RYR2: variants seen among roughly 807,000 people sequenced by gnomAD.
RYR2 encodes the protein ryanodine receptor 2, also known as cardiac muscle ryanodine receptor-calcium release channel.
RYR2 carries 227 observed loss-of-function variants against 601.1 expected under a neutral mutation model. The ratio of observed to expected loss-of-function variants is 0.38; its 90% CI spans 0.34 to 0.42. The LOEUF is 0.42. RYR2 is among the 10% of genes least tolerant of loss of function. The pLI, the probability that RYR2 is intolerant of heterozygous loss-of-function variation, is 1.00. For synonymous variants in RYR2, 2,223 were observed against 2,175.1 expected (o/e 1.02, Z -0.61); for missense variants, 4,646 against 6,156.5 (o/e 0.75, Z 8.21).
intron 97 of RYR2, 50 bp from the exon 98 acceptor site, chr1:237,801,806 G>A (rs2149419021): frequency 2.5e-6 from 3 of 1,213,404 alleles, no homozygotes; most frequent in Non-Finnish European, 3.6e-6. Context: ...AAGCCTATGA[G>A]TCTTTGGTTA....
intron 3 of RYR2, among the ~76,000 whole-genome samples, chr1:237,341,827 A>G (rs1300993136): frequency 6.6e-6 from 1 of 152,184 alleles, no homozygotes. Flanking sequence ...TGTGGGAGAA[A>G]AGGAATGTTT....
chr1:237,628,190 C>T (rs537864219), intron 41 of RYR2, 110 bp downstream of exon 41: 23 of 1,212,602 alleles, frequency 1.9e-5, no homozygotes, highest in East Asian at 1.0e-4. Flanking sequence ...CTGGATTATA[C>T]GATTATTATA....
chr1:237,068,894 G>GA (rs1242670301), intron 1 of RYR2, among the ~76,000 whole-genome samples: 1 of 151,950 alleles, frequency 6.6e-6, no homozygotes. Flanking sequence ...AGCCAGTTGA[G>GA]AAAAAAATAC....
chr1:237,577,119 A>T (rs879340553), intron 29 of RYR2, among the ~76,000 whole-genome samples: 15 of 152,176 alleles, frequency 9.9e-5, no homozygotes, highest in Non-Finnish European at 2.2e-4. Context: ...TTTTAGCTAC[A>T]CTAGTGTGTC....
intron 99 of RYR2, 116 bp downstream of exon 99, chr1:237,806,399 G>T: frequency 2.0e-6 from 2 of 1,006,430 alleles, no homozygotes; most frequent in Non-Finnish European, 2.9e-6. Context: ...TTTTTTGAAG[G>T]GAGGGTCTGC....
chr1:237,732,635 TC>T (rs2149170600), intron 78 of RYR2, among the ~76,000 whole-genome samples: 1 of 152,270 alleles, frequency 6.6e-6, no homozygotes, highest in Non-Finnish European at 1.5e-5. Flanking sequence ...TGCCCATTTT[TC>T]TTGTCTTCTG....
In RYR2 at chr1:237,631,843, T is replaced by C. The variant is rs180837329; in HGVS notation, c.6555+302T>C. Among the ~76,000 whole-genome samples the C allele has an allele frequency of 3.0e-4, 42 of 141,266 alleles. 1 individual carries two copies. The highest frequency in any genetic ancestry group is 1.1e-3 in the South Asian group (5 of 4,432). The allele number at this position is 141,266 out of a possible 152,430, so 92.7% of individuals were successfully genotyped here. ...CGGGGTTTCACTGTGTTAGCCAGGA[T>C]GGTCTCGATCTCCTGACCTCGTGAT... On this transcript the variant is annotated intron_variant, in intron 42 of 104. Coordinates refer to ENST00000366574, the MANE Select transcript of RYR2 (RefSeq NM_001035.3).
In RYR2 at chr1:237,361,163, G is replaced by A. The variant is rs115055543; in HGVS notation, c.295-3195G>A. On this transcript the variant is annotated intron_variant, in intron 4 of 104. Coordinates refer to ENST00000366574, the MANE Select transcript of RYR2 (RefSeq NM_001035.3). ...AGACACATATTTTCATCATAAGAGC[G>A]ATAGTTGAAGCTTTTCAACCTCATA... Among the ~76,000 whole-genome samples, 446 of 152,272 alleles carry A rather than the reference G, an allele frequency of 2.9e-3. 4 individuals are homozygous for A. The highest frequency in any genetic ancestry group is 8.5e-3 in the African/African-American group (352 of 41,542).
At chr1:237,157,031 C>T (rs1369210004) in intron 1 of RYR2, among the ~76,000 whole-genome samples, 2 of 152,138 alleles carry the variant, frequency 1.3e-5, no homozygotes. Context: ...CACAGTGGCT[C>T]ACGCCTGTAA....
At chr1:237,823,578 G>A (rs976665374) in intron 101 of RYR2, among the ~76,000 whole-genome samples, 1 of 152,118 alleles carries the variant, frequency 6.6e-6, no homozygotes, top group Non-Finnish European at 1.5e-5. Context: ...GAGAAAGCAG[G>A]AAAGATCTAA....
intron 80 of RYR2, among the ~76,000 whole-genome samples, chr1:237,748,987 C>T (rs1055867000): frequency 7.9e-5 from 12 of 152,038 alleles, no homozygotes; most frequent in African/African-American, 2.9e-4. Context: ...GGAGGATGTA[C>T]GTAGGTTAAG....
Position 237,491,802 on chromosome 1 carries a change from T to C in RYR2, c.1709-4T>C, listed in dbSNP as rs1482457874. 9 of 1,325,346 alleles carry C rather than the reference T, an allele frequency of 6.8e-6. No homozygotes were observed. The highest frequency in any genetic ancestry group is 1.5e-5 in the African/African-American group (1 of 68,316). The allele number at this position is 1,325,346 out of a possible 1,614,324, so 82.1% of individuals were successfully genotyped here. A position where few individuals can be genotyped will look rare whatever the true frequency, so the allele number is the denominator to read the frequency against. On this transcript the variant is annotated splice_polypyrimidine_tract_variant and splice_region_variant and intron_variant, in intron 17 of 104. Transcript: ENST00000366574. ...TTTTTCCTCTTTCTTTGTTTTATCT[T>C]TAGGCATTCTGGAAGTTTTACACTG...
intron 8 of RYR2, among the ~76,000 whole-genome samples, chr1:237,384,453 C>T (rs151074393): frequency 6.6e-6 from 1 of 152,366 alleles, no homozygotes; most frequent in East Asian, 1.9e-4. Context: ...CGTATCTCCA[C>T]CTTTGTGCTC....
intron 1 of RYR2, among the ~76,000 whole-genome samples, chr1:237,185,347 C>T (rs531358943): frequency 5.6e-4 from 85 of 152,264 alleles, no homozygotes; most frequent in African/African-American, 1.8e-3. Context: ...ATTTTACAGG[C>T]AGTGTTAACA....
intron 71 of RYR2, among the ~76,000 whole-genome samples, chr1:237,714,991 C>CAAAAAAA (rs5781983): frequency 4.5e-5 from 2 of 44,448 alleles, no homozygotes; most frequent in African/African-American, 1.2e-4. Flanking sequence ...GACTCCATCT[C>CAAAAAAA]AAAAAAAAAA....
In RYR2 at chr1:237,594,919, T is replaced by G. The variant is rs1284109935; in HGVS notation, c.4437-579T>G. ...TTTTTTTTTTTTTTTTTTTTTTTTT[T>G]TTTTTTTTTTTTGCATATTCTAGTT... is the stretch of plus-strand genomic sequence containing the variant. On this transcript the variant is annotated intron_variant, in intron 33 of 104. Transcript: ENST00000366574. Among the ~76,000 whole-genome samples, 21 of 93,654 alleles carry G rather than the reference T, an allele frequency of 2.2e-4. 1 individual carries two copies. The highest frequency in any genetic ancestry group is 5.3e-4 in the African/African-American group (16 of 30,394). The allele number at this position is 93,654 out of a possible 152,430, so 61.4% of individuals were successfully genotyped here.
At chr1:237,329,836 A>G (rs1401993323) in intron 2 of RYR2, among the ~76,000 whole-genome samples, 1 of 151,982 alleles carries the variant, frequency 6.6e-6, no homozygotes. Flanking sequence ...TCTGTGGTGT[A>G]TTGATTGAGA....
intron 1 of RYR2, among the ~76,000 whole-genome samples, chr1:237,050,206 C>T: frequency 6.6e-6 from 1 of 152,110 alleles, no homozygotes; most frequent in East Asian, 1.9e-4. Context: ...TACTTACCAC[C>T]CACCAACCGA....
At chr1:237,668,864 C>A (rs1053497033) in intron 58 of RYR2, among the ~76,000 whole-genome samples, 21 of 152,100 alleles carry the variant, frequency 1.4e-4, no homozygotes, top group Admixed American at 1.4e-3. Flanking sequence ...AGAGAAGATT[C>A]CACATTTTAT....
Sources: allele counts gnomAD v4.1 joint callset (sites outside exome capture counted in the v4.1 genomes callset), GRCh38; gene constraint gnomAD v4.1.1; transcripts MANE v1.5; gene names NCBI Gene and HGNC (gene_info 2026-07-23, HGNC 2026-07-21).